The following CTNND2 variants were observed in gnomAD, a reference collection of about 807,000 sequenced individuals.
CTNND2 encodes the protein catenin delta 2, also known as catenin delta-2.
CTNND2 carries 22 observed loss-of-function variants against 144.4 expected under a neutral mutation model. The observed-to-expected ratio is 0.15, with a 90% CI of 0.11 to 0.22. The LOEUF (loss-of-function observed/expected upper bound fraction) is 0.22, where lower values mean the gene tolerates loss of function less well. CTNND2 is among the 10% of genes least tolerant of loss of function. CTNND2 has a pLI of 1.00. For missense variants in CTNND2, 1,353 were observed against 1,618.8 expected (o/e 0.84, Z 2.82); for synonymous variants, 751 against 695.6 (o/e 1.08, Z -1.25).
chr5:11,245,763 C>A (rs144662325), intron 9 of CTNND2, among the ~76,000 whole-genome samples: 360 of 152,290 alleles, frequency 2.4e-3, no homozygotes, highest in Non-Finnish European at 4.1e-3. Flanking sequence ...GCCCATCTGA[C>A]CCCAGGACAC....
chr5:11,546,640 A>C (rs545751881), intron 3 of CTNND2, among the ~76,000 whole-genome samples: 4 of 152,226 alleles, frequency 2.6e-5, no homozygotes, highest in South Asian at 4.2e-4. Context: ...AGTAACAAAA[A>C]CTCTGTGGAG....
chr5:11,688,405 A>C (rs185960923), intron 2 of CTNND2, among the ~76,000 whole-genome samples: 24 of 152,302 alleles, frequency 1.6e-4, no homozygotes, highest in Admixed American at 1.4e-3. Flanking sequence ...TCTGTTCCAT[A>C]GTGCACTAAA....
At position 11,291,697 on chromosome 5, in the gene CTNND2, C is replaced by T. The variant is rs114595625; in HGVS notation, c.1628+54675G>A. 2.5e-3 allele frequency among the ~76,000 whole-genome samples: 381 copies of T among 152,270 alleles called. 1 individual carries two copies. The highest frequency in any genetic ancestry group is 8.7e-3 in the African/African-American group (360 of 41,568). ...ACTAGCCTATTCAGTTTTCTCCAAA[C>T]GTATCTCTAGCTTTATGACTTAGCT... is the stretch of plus-strand genomic sequence containing the variant. On this transcript the variant is annotated intron_variant, in intron 9 of 21. Transcript: ENST00000304623.
intron 3 of CTNND2, among the ~76,000 whole-genome samples, chr5:11,561,078 C>G (rs916709865): frequency 2.0e-5 from 3 of 152,202 alleles, no homozygotes; most frequent in Non-Finnish European, 4.4e-5. Flanking sequence ...ACCTCATTGA[C>G]AGGCCTACAG....
intron 1 of CTNND2, among the ~76,000 whole-genome samples, chr5:11,876,895 T>C (rs923064917): frequency 6.6e-6 from 1 of 152,202 alleles, no homozygotes; most frequent in Non-Finnish European, 1.5e-5. Flanking sequence ...TCCAGCAAAC[T>C]TGCTGAATTC....
At chr5:11,542,292 A>C (rs1236888830) in intron 3 of CTNND2, among the ~76,000 whole-genome samples, 1 of 152,122 alleles carries the variant, frequency 6.6e-6, no homozygotes, top group Non-Finnish European at 1.5e-5. Flanking sequence ...AAAATAAAGA[A>C]TGACTCTACC....
At chr5:11,422,222 T>TC (rs34773980) in intron 3 of CTNND2, among the ~76,000 whole-genome samples, 32,999 of 151,870 alleles carry the variant, frequency 0.22, 4,286 homozygotes, top group African/African-American at 0.36. Context: ...TACCTTTTTT[T>TC]CCCCCACGCT....
intron 1 of CTNND2, among the ~76,000 whole-genome samples, chr5:11,772,036 C>T (rs1298153169): frequency 6.6e-6 from 1 of 152,114 alleles, no homozygotes; most frequent in Admixed American, 6.6e-5. Context: ...ACATTTTCCC[C>T]CATATCTTGG....
chr5:11,110,575 C>A (rs1752862823), intron 14 of CTNND2, among the ~76,000 whole-genome samples: 1 of 152,156 alleles, frequency 6.6e-6, no homozygotes, highest in South Asian at 2.1e-4. Context: ...TGAATTAACA[C>A]AGCGCCTGCT....
chr5:11,555,623 T>C (rs1355585143), intron 3 of CTNND2, among the ~76,000 whole-genome samples: 1 of 151,658 alleles, frequency 6.6e-6, no homozygotes, highest in African/African-American at 2.4e-5. Context: ...TCCTGCTTTA[T>C]GAGGAAAAAG....
chr5:11,307,122 T>G (rs1750319145), intron 9 of CTNND2, among the ~76,000 whole-genome samples: 1 of 151,974 alleles, frequency 6.6e-6, no homozygotes, highest in Admixed American at 6.6e-5. Context: ...TTTTTCTGAA[T>G]TACCTTCAGA....
chr5:11,492,671 T>A (rs1769535489), intron 3 of CTNND2, among the ~76,000 whole-genome samples: 1 of 151,796 alleles, frequency 6.6e-6, no homozygotes, highest in Non-Finnish European at 1.5e-5. Flanking sequence ...CTAAGAGGTA[T>A]ATACATCTTT....
chr5:11,055,424 T>C (rs1039299656), intron 16 of CTNND2, among the ~76,000 whole-genome samples: 4 of 152,146 alleles, frequency 2.6e-5, no homozygotes, highest in Non-Finnish European at 5.9e-5. Flanking sequence ...AGAACTGCCA[T>C]ACCCCCATTT....
intron 10 of CTNND2, among the ~76,000 whole-genome samples, chr5:11,215,246 TCA>T (rs1249842180): frequency 2.6e-5 from 4 of 152,218 alleles, no homozygotes; most frequent in Non-Finnish European, 5.9e-5. Flanking sequence ...TCTCGGAAAC[TCA>T]GAATATTATA....
At chr5:11,450,252 C>T (rs1299542883) in intron 3 of CTNND2, among the ~76,000 whole-genome samples, 1 of 152,170 alleles carries the variant, frequency 6.6e-6, no homozygotes, top group Non-Finnish European at 1.5e-5. Context: ...GTCAAAGGTG[C>T]TATTGGTAGG....
chr5:11,786,655 G>A (rs956164614), intron 1 of CTNND2, among the ~76,000 whole-genome samples: 2 of 152,152 alleles, frequency 1.3e-5, no homozygotes, highest in African/African-American at 4.8e-5. Flanking sequence ...GCCTTATTTC[G>A]GACTAAAGAA....
At chr5:11,152,452 A>G (rs1282096488) in intron 12 of CTNND2, among the ~76,000 whole-genome samples, 1 of 152,222 alleles carries the variant, frequency 6.6e-6, no homozygotes, top group Non-Finnish European at 1.5e-5. Flanking sequence ...CTGTGTCATA[A>G]GCTATAACGT....
intron 3 of CTNND2, among the ~76,000 whole-genome samples, chr5:11,476,326 A>C (rs1481915109): frequency 6.6e-6 from 1 of 152,152 alleles, no homozygotes; most frequent in Non-Finnish European, 1.5e-5. Context: ...TTACTTGGAC[A>C]ATTTACTAGG....
intron 2 of CTNND2, among the ~76,000 whole-genome samples, chr5:11,566,782 G>A (rs1187956783): frequency 1.3e-5 from 2 of 152,138 alleles, no homozygotes; most frequent in Non-Finnish European, 2.9e-5. Flanking sequence ...CTTCTCCATG[G>A]TTTCACCTCT....
Sources: allele counts gnomAD v4.1 joint callset (sites outside exome capture counted in the v4.1 genomes callset), GRCh38; gene constraint gnomAD v4.1.1; transcripts MANE v1.5; gene names NCBI Gene and HGNC (gene_info 2026-07-23, HGNC 2026-07-21).